Variants in GUCY1A2 observed in about 807,000 individuals in gnomAD.
GUCY1A2 encodes the protein guanylate cyclase 1 soluble subunit alpha 2, also known as guanylate cyclase soluble subunit alpha-2.
In GUCY1A2, 27 loss-of-function variants were observed where a neutral mutation model predicts 63.5. The observed-to-expected ratio is 0.43, with a 90% CI of 0.31 to 0.59. The LOEUF (loss-of-function observed/expected upper bound fraction) is 0.59. Ranked by LOEUF, GUCY1A2 falls within the 20% of genes least tolerant of loss-of-function variation. The pLI is 0.11. For missense variants in GUCY1A2, 768 were observed against 913.3 expected (o/e 0.84, Z 2.05); for synonymous variants, 364 against 343.5 (o/e 1.06, Z -0.66).
chr11:106,993,696 C>T (rs970818368), intron 1 of GUCY1A2, among the ~76,000 whole-genome samples: 1 of 152,014 alleles, frequency 6.6e-6, no homozygotes, highest in African/African-American at 2.4e-5. Context: ...TTTTCCCATC[C>T]GAAAAACATA....
intron 4 of GUCY1A2, among the ~76,000 whole-genome samples, chr11:106,873,116 T>A (rs527870131): frequency 6.6e-6 from 1 of 152,222 alleles, no homozygotes; most frequent in Non-Finnish European, 1.5e-5. Flanking sequence ...TTTTTATGGC[T>A]GCATAGTATT....
chr11:106,902,454 T>C (rs1226437119), intron 4 of GUCY1A2, among the ~76,000 whole-genome samples: 1 of 152,220 alleles, frequency 6.6e-6, no homozygotes, highest in Non-Finnish European at 1.5e-5. Flanking sequence ...AAGTTTTGAC[T>C]TCTCCTCTCT....
Position 106,709,536 on chromosome 11 carries a change from ATAT to A in GUCY1A2, c.1837-873_1837-871del, listed in dbSNP as rs1591240707. On this transcript the variant is annotated intron_variant, in intron 6 of 7. Coordinates refer to ENST00000526355, the MANE Select transcript of GUCY1A2 (RefSeq NM_000855.3). ...ATTCTATAAATATAATAATAATATA[ATAT>A]ATTATATTATTATATAAATATGTTA... Among the ~76,000 whole-genome samples, 3 of 73,696 alleles carry A rather than the reference ATAT, an allele frequency of 4.1e-5. No homozygotes were observed. The East Asian group carries it at 8.7e-4, about 21-fold the overall frequency. The allele number at this position is 73,696 out of a possible 152,430, so 48.3% of individuals were successfully genotyped here. A position where few individuals can be genotyped will look rare whatever the true frequency, so the allele number is the denominator to read the frequency against.
At chr11:106,787,415 G>GATT (rs111670130) in intron 5 of GUCY1A2, among the ~76,000 whole-genome samples, 44,419 of 135,802 alleles carry the variant, frequency 0.33, 7,441 homozygotes, top group Admixed American at 0.42. Context: ...GCCTTACTTT[G>GATT]TTTTTTTTTT....
intron 5 of GUCY1A2, among the ~76,000 whole-genome samples, chr11:106,799,736 T>C (rs1020232558): frequency 2.0e-5 from 3 of 152,100 alleles, no homozygotes; most frequent in Non-Finnish European, 4.4e-5. Context: ...ATACAGAAAT[T>C]AATTCAAGAT....
chr11:106,726,646 T>G (rs1863413397), intron 6 of GUCY1A2, among the ~76,000 whole-genome samples: 2 of 152,098 alleles, frequency 1.3e-5, no homozygotes, highest in Non-Finnish European at 2.9e-5. Context: ...GGAGACTGAT[T>G]AGAGACACAT....
chr11:106,820,955 TTG>T (rs1858894175), intron 4 of GUCY1A2, among the ~76,000 whole-genome samples: 3 of 152,352 alleles, frequency 2.0e-5, no homozygotes, highest in African/African-American at 4.8e-5. Context: ...TTTTATTTTC[TTG>T]TGTGTTTGCA....
At chr11:107,011,587 TATAA>T (rs1195906165) in intron 1 of GUCY1A2, among the ~76,000 whole-genome samples, 3 of 143,444 alleles carry the variant, frequency 2.1e-5, no homozygotes, top group East Asian at 3.9e-4. Flanking sequence ...ATTTATAATA[TATAA>T]ATATATATCT....
intron 4 of GUCY1A2, among the ~76,000 whole-genome samples, chr11:106,842,046 C>T (rs1048907114): frequency 6.6e-6 from 1 of 151,858 alleles, no homozygotes; most frequent in East Asian, 1.9e-4. Flanking sequence ...CAATGGTAAA[C>T]GATGGCAGGT....
At chr11:106,979,033 A>G (rs1434282330) in intron 2 of GUCY1A2, among the ~76,000 whole-genome samples, 1 of 152,250 alleles carries the variant, frequency 6.6e-6, no homozygotes, top group Non-Finnish European at 1.5e-5. Flanking sequence ...AGAGCACTTC[A>G]TCAAGGCTAG....
At chr11:106,833,660 G>A (rs1940385) in intron 4 of GUCY1A2, among the ~76,000 whole-genome samples, 25,127 of 151,932 alleles carry the variant, frequency 0.17, 2,490 homozygotes, top group East Asian at 0.28. Flanking sequence ...AACAGTACAC[G>A]CCATGTAGGC....
chr11:106,908,481 A>G (rs570424932), intron 4 of GUCY1A2, among the ~76,000 whole-genome samples: 121 of 152,130 alleles, frequency 8.0e-4, no homozygotes, highest in African/African-American at 2.6e-3. Context: ...CCTATACATA[A>G]AGCAGAAAAT....
chr11:106,720,258 A>G (rs1037605711), intron 6 of GUCY1A2, among the ~76,000 whole-genome samples: 11 of 152,320 alleles, frequency 7.2e-5, no homozygotes, highest in Admixed American at 2.6e-4. Context: ...AGTATTTTAT[A>G]TAAACTTTTT....
rs1447863968 is a variant in GUCY1A2 at position 106,685,008 on chromosome 11, T to C, written c.*2541A>G. 4 of 204,472 alleles carry C rather than the reference T, an allele frequency of 2.0e-5. No individual in the cohort carries two copies. Among genetic ancestry groups the C allele is most frequent in the African/African-American group, 9.1e-5 (4 of 43,734 alleles). 12.7% of individuals were successfully genotyped at this position (204,472 alleles called of 1,614,324 possible). ...AGTTTGAATGAACAGACATTTTATA[T>C]AGTACCTCATAAACATATATAGCAA... On this transcript the variant is annotated 3_prime_UTR_variant, in exon 8 of 8. Coordinates refer to ENST00000526355, the MANE Select transcript of GUCY1A2 (RefSeq NM_000855.3).
chr11:106,781,562 C>CTTGTT (rs1565288102), intron 5 of GUCY1A2, among the ~76,000 whole-genome samples: 1 of 151,748 alleles, frequency 6.6e-6, no homozygotes, highest in Admixed American at 6.6e-5. Context: ...ATGCATTCAC[C>CTTGTT]TTGTTTTTTT....
intron 6 of GUCY1A2, 73 bp from the exon 7 acceptor site, chr11:106,708,739 C>T: frequency 1.2e-6 from 1 of 863,656 alleles, no homozygotes; most frequent in Non-Finnish European, 1.7e-6. Context: ...ATGAAAGGCA[C>T]TGCTAATTAA....
intron 6 of GUCY1A2, among the ~76,000 whole-genome samples, chr11:106,742,777 A>G (rs535923344): frequency 2.6e-5 from 4 of 152,288 alleles, no homozygotes; most frequent in South Asian, 2.1e-4. Context: ...GTCTTCCACA[A>G]TGGTTGAACT....
At chr11:106,880,036 A>C (rs577225071) in intron 4 of GUCY1A2, among the ~76,000 whole-genome samples, 2 of 152,178 alleles carry the variant, frequency 1.3e-5, no homozygotes, top group South Asian at 2.1e-4. Context: ...CATTAACTTC[A>C]GCATACCCTG....
At chr11:106,997,901 T>C (rs184706712) in intron 1 of GUCY1A2, among the ~76,000 whole-genome samples, 39 of 152,242 alleles carry the variant, frequency 2.6e-4, no homozygotes, top group African/African-American at 9.1e-4. Flanking sequence ...CACTTATTGC[T>C]ACTGTCTTTT....
Sources: gnomAD v4.1 joint callset for allele counts (sites outside exome capture counted in the v4.1 genomes callset) on GRCh38, gnomAD v4.1.1 for gene constraint, MANE v1.5 for transcripts, NCBI Gene and HGNC (gene_info 2026-07-23, HGNC 2026-07-21) for gene names.